ZNF335: variants seen among roughly 807,000 people sequenced by gnomAD.
ZNF335 encodes NRC-interacting factor 1.
ZNF335 carries 84 observed loss-of-function variants against 145.6 expected under a neutral mutation model. The observed-to-expected ratio is 0.58, with a 90% CI of 0.48 to 0.69. The LOEUF (loss-of-function observed/expected upper bound fraction) is 0.69. Ranked by LOEUF, ZNF335 falls within the 30% of genes least tolerant of loss-of-function variation. The pLI is 0.00. For missense variants in ZNF335, 1,865 were observed against 1,809.7 expected, an observed-to-expected ratio of 1.03 and a Z score of -0.55; for synonymous variants, 761 against 717.0, an observed-to-expected ratio of 1.06 and a Z score of -0.98.
At chr20:45,953,555 G>C (rs2083672247) in intron 18 of ZNF335, 134 bp downstream of exon 18, 1 of 1,196,878 alleles carries the variant, frequency 8.4e-7, no homozygotes, top group Non-Finnish European at 1.2e-6. Flanking sequence ...GAGAAGGGTA[G>C]ACTCCACCAC....
chr20:45,962,221 C>A, intron 9 of ZNF335, 39 bp from the exon 10 acceptor site: 2 of 1,530,540 alleles, frequency 1.3e-6, no homozygotes, highest in Non-Finnish European at 1.8e-6. Context: ...TGGGGCTTGG[C>A]CTCCTCTCCC....
Position 45,957,585 on chromosome 20 carries a change from C to A in ZNF335, c.2442+1G>T. 6.2e-7 allele frequency: 1 copy of A among 1,613,982 alleles called. No homozygotes were observed. Among genetic ancestry groups the A allele is most frequent in the Non-Finnish European group, 8.5e-7 (1 of 1,179,938 alleles). ...GGGGAGCAGGTTCCCAGGCAGCTCA[C>A]CTGCAGGGCTGTGCCCCCCAGTTCC... On this transcript the variant is annotated splice_donor_variant, in intron 17 of 27. Coordinates refer to ENST00000322927, the MANE Select transcript of ZNF335 (RefSeq NM_022095.4). LOFTEE classifies it high-confidence loss of function.
chr20:45,968,230 C>T (rs2083997541), intron 4 of ZNF335, 55 bp downstream of exon 4: 1 of 1,580,576 alleles, frequency 6.3e-7, no homozygotes. Flanking sequence ...AACCTGTCCT[C>T]ACCTATCCCC....
chr20:45,959,977 G>A (rs1248205250), intron 14 of ZNF335, among the ~76,000 whole-genome samples: 1 of 152,246 alleles, frequency 6.6e-6, no homozygotes, highest in African/African-American at 2.4e-5. Flanking sequence ...AAGGCTCGGA[G>A]AGGGCAAGCG....
At chr20:45,969,813 C>A in intron 2 of ZNF335, 122 bp from the exon 3 acceptor site, 1 of 1,386,178 alleles carries the variant, frequency 7.2e-7, no homozygotes, top group Non-Finnish European at 9.7e-7. Context: ...TGGAGCCACT[C>A]ATGCCCTCAG....
At chr20:45,959,480 T>TCATTTGCACATTGAGATGCAAC in intron 14 of ZNF335, 47 bp from the exon 15 acceptor site, 1 of 1,328,586 alleles carries the variant, frequency 7.5e-7, no homozygotes, top group Non-Finnish European at 9.9e-7. Flanking sequence ...GTCCCTAGCC[T>TCATTTGCACATTGAGATGCAAC]ACCCCCTCCA....
rs929303446 is a variant in ZNF335 at position 45,960,617 on chromosome 20, T to C, written c.1781A>G (p.Lys594Arg). Reference sequence around the variant, plus strand: ...GCCCCAGCCCTGGCTCCCACCCACCTTGTCACACATGTGGGGCTTCTCAGT... The same window carrying C: ...GCCCCAGCCCTGGCTCCCACCCACCCTGTCACACATGTGGGGCTTCTCAGT... ...HSTEKPHMCD[K>R]CGKSFKKRYT... The change falls in exon 12 of 28, where the codon AAG becomes AGG. Residue 594 changes from lysine to arginine, a missense_variant and splice_region_variant. Transcript: ENST00000322927. 3.7e-6 allele frequency: 6 copies of C among 1,614,090 alleles called. No individual in the cohort carries two copies. Among genetic ancestry groups the C allele is most frequent in the African/African-American group, 1.3e-5 (1 of 75,026 alleles).
In ZNF335 at chr20:45,972,140, C is replaced by G; in HGVS notation, c.-69G>C. On this transcript the variant is annotated 5_prime_UTR_variant, in exon 1 of 28. Transcript: ENST00000322927. The stretch of plus-strand genomic sequence containing the variant: ...AGCTCACCCGAGGCTTTCGTAGCCA[C>G]GTTCCTCTCTGACTCCGGCATCGAC... 3.9e-6 allele frequency: 5 copies of G among 1,289,566 alleles called. No individual in the cohort carries two copies. Among genetic ancestry groups the G allele is most frequent in the Non-Finnish European group, 5.1e-6 (5 of 988,740 alleles). The allele number at this position is 1,289,566 out of a possible 1,614,324, so 79.9% of individuals were successfully genotyped here. A position where few individuals can be genotyped will look rare whatever the true frequency, so the allele number is the denominator to read the frequency against.
Position 45,950,458 on chromosome 20 carries a change from C to G in ZNF335, c.3327G>C (p.Gly1109=), listed in dbSNP as rs1341268477. Residue 1109 remains glycine, a synonymous_variant, in exon 21 of 28, where the codon GGG becomes GGC. Coordinates refer to ENST00000322927, the MANE Select transcript of ZNF335 (RefSeq NM_022095.4). ...CCACCAGTATCTGGCCTCACCGCTGCCCGCAGAGGTGGCATGCAAAAGGCT... is the reference window on the plus strand; with the variant it reads ...CCACCAGTATCTGGCCTCACCGCTGGCCGCAGAGGTGGCATGCAAAAGGCT... ...KEKPFACHLC[G]QRFNRNGHLK... is the part of the protein sequence containing the mutation. 1 of 1,614,216 alleles carries G rather than the reference C, an allele frequency of 6.2e-7. No homozygotes were observed. The highest frequency in any genetic ancestry group is 2.2e-5 in the East Asian group (1 of 44,880).
At chr20:45,957,553 C>G in intron 17 of ZNF335, 33 bp downstream of exon 17, 1 of 1,602,492 alleles carries the variant, frequency 6.2e-7, no homozygotes, top group Non-Finnish European at 8.5e-7. Flanking sequence ...CCTGCGGTAG[C>G]TGGGAAGGGG....
chr20:45,964,774 C>A (rs140624489), intron 7 of ZNF335, among the ~76,000 whole-genome samples: 3 of 152,074 alleles, frequency 2.0e-5, no homozygotes, highest in Non-Finnish European at 4.4e-5. Flanking sequence ...CGGTGGCTCA[C>A]GCCTGTAATC....
chr20:45,964,416 A>G (rs2083911706), intron 7 of ZNF335: 2 of 163,328 alleles, frequency 1.2e-5, no homozygotes, highest in South Asian at 2.0e-4. Flanking sequence ...GGAGTGCTTT[A>G]ACACTGGCAT....
chr20:45,959,136 C>G (rs1290159533), intron 15 of ZNF335, 65 bp downstream of exon 15: 1 of 1,248,346 alleles, frequency 8.0e-7, no homozygotes, highest in Non-Finnish European at 1.0e-6. Context: ...TCTCAATGTG[C>G]AAATGATGCT....
At position 45,949,481 on chromosome 20, in the gene ZNF335, C is replaced by T; in HGVS notation, c.3753+4G>A. 1 of 1,613,836 alleles carries T rather than the reference C, an allele frequency of 6.2e-7. No homozygotes were observed. Among genetic ancestry groups the T allele is most frequent in the Non-Finnish European group, 8.5e-7 (1 of 1,179,952 alleles). Reference sequence around the variant, plus strand: ...ACAGCACCCTCATCCCAGGTCTGGCCTACCTGGATGTGATGGCCTTCAGGG... The same window carrying T: ...ACAGCACCCTCATCCCAGGTCTGGCTTACCTGGATGTGATGGCCTTCAGGG... On this transcript the variant is annotated splice_donor_region_variant and intron_variant, in intron 25 of 27. Coordinates refer to ENST00000322927, the MANE Select transcript of ZNF335 (RefSeq NM_022095.4).
intron 9 of ZNF335, 52 bp from the exon 10 acceptor site, chr20:45,962,234 C>T (rs1451752806): frequency 1.4e-6 from 2 of 1,427,868 alleles, no homozygotes; most frequent in Admixed American, 3.4e-5. Flanking sequence ...CCTCTCCCAT[C>T]CCCGTCCCCA....
At chr20:45,950,169 GTC>G (rs755682887) in intron 22 of ZNF335, 48 bp downstream of exon 22, 15 of 1,579,624 alleles carry the variant, frequency 9.5e-6, no homozygotes, top group Non-Finnish European at 1.3e-5. Context: ...AGTGGCCCAA[GTC>G]TCTGGATCTA....
Position 45,969,490 on chromosome 20 carries a change from T to C in ZNF335, c.403A>G (p.Lys135Glu), listed in dbSNP as rs775978519. 6.4e-7 allele frequency: 1 copy of C among 1,564,304 alleles called. No individual in the cohort carries two copies. Among genetic ancestry groups the C allele is most frequent in the Non-Finnish European group, 8.7e-7 (1 of 1,144,964 alleles). Residue 135 changes from lysine (K) to glutamate (E), a missense_variant, in exon 3 of 28, where the codon AAG becomes GAG. By Grantham distance (56) the Lys-to-Glu change is moderately conservative. Transcript: ENST00000322927. Reference sequence around the variant, plus strand: ...GGCCCGATGGTGGACTCGATGATCTTGTCGATGGCCGAGCCCAGGTCCGAG... The same window carrying C: ...GGCCCGATGGTGGACTCGATGATCTCGTCGATGGCCGAGCCCAGGTCCGAG... ...SSSDLGSAID[K>E]IIESTIGPDL...
In ZNF335 at chr20:45,962,806, T is replaced by G. The variant is rs866610603; in HGVS notation, c.1534-624A>C. 1.7e-3 allele frequency among the ~76,000 whole-genome samples: 175 copies of G among 103,258 alleles called. 1 individual carries two copies. The highest frequency in any genetic ancestry group is 6.9e-3 in the African/African-American group (163 of 23,568). The allele number at this position is 103,258 out of a possible 152,430, so 67.7% of individuals were successfully genotyped here. A position where few individuals can be genotyped will look rare whatever the true frequency, so the allele number is the denominator to read the frequency against. On this transcript the variant is annotated intron_variant, in intron 9 of 27. Coordinates refer to ENST00000322927, the MANE Select transcript of ZNF335 (RefSeq NM_022095.4). Reference sequence around the variant, plus strand: ...GTTAAGGAGAAAAAGGAACCGTTTTTTTTTTTTTGTTTGTTTGTTTTTTTG... The same window carrying G: ...GTTAAGGAGAAAAAGGAACCGTTTTGTTTTTTTTGTTTGTTTGTTTTTTTG...
Position 45,960,609 on chromosome 20 carries a change from C to T in ZNF335, c.1782+7G>A. On this transcript the variant is annotated splice_region_variant and intron_variant, in intron 12 of 27. Transcript: ENST00000322927. ...TCCTCTCAGCCCCAGCCCTGGCTCC[C>T]ACCCACCTTGTCACACATGTGGGGC... The T allele has an allele frequency of 6.2e-7, 1 of 1,614,088 alleles. No homozygotes were observed.
Sources: gnomAD v4.1 joint callset for allele counts (sites outside exome capture counted in the v4.1 genomes callset) on GRCh38, gnomAD v4.1.1 for gene constraint, MANE v1.5 for transcripts, NCBI Gene and HGNC (gene_info 2026-07-23, HGNC 2026-07-21) for gene names.